WDFY4: variants seen among roughly 807,000 people sequenced by gnomAD.
The protein encoded by WDFY4 is WD repeat- and FYVE domain-containing protein 4.
WDFY4 carries 169 observed loss-of-function variants against 351.9 expected under a neutral mutation model. The observed-to-expected ratio is 0.48, with a 90% CI of 0.42 to 0.55. The LOEUF is 0.55. WDFY4 is among the 20% of genes least tolerant of loss of function. The pLI is 0.00. For synonymous variants in WDFY4, 1,622 were observed against 1,574.6 expected, an observed-to-expected ratio of 1.03 and a Z score of -0.71; for missense variants, 3,803 against 3,935.6, an observed-to-expected ratio of 0.97 and a Z score of 0.90.
intron 57 of WDFY4, among the ~76,000 whole-genome samples, chr10:48,973,335 G>C (rs1480563600): frequency 6.6e-6 from 1 of 151,500 alleles, no homozygotes; most frequent in East Asian, 1.9e-4. Flanking sequence ...CATTTTCCTA[G>C]GATGACCCAA....
At chr10:48,944,437 C>A (rs778559540) in intron 49 of WDFY4, among the ~76,000 whole-genome samples, 28 of 152,204 alleles carry the variant, frequency 1.8e-4, no homozygotes, top group Admixed American at 4.6e-4. Flanking sequence ...TGGGGACAAC[C>A]AAACTATGGA....
intron 39 of WDFY4, among the ~76,000 whole-genome samples, chr10:48,840,457 G>GCA (rs905267906): frequency 5.6e-5 from 8 of 142,624 alleles, no homozygotes; most frequent in African/African-American, 1.3e-4. Flanking sequence ...CCTCTCTCAC[G>GCA]CACACACACA....
intron 57 of WDFY4, among the ~76,000 whole-genome samples, chr10:48,973,883 C>T (rs1032655854): frequency 4.6e-5 from 7 of 152,072 alleles, no homozygotes; most frequent in African/African-American, 1.7e-4. Flanking sequence ...CTAAGTGTCC[C>T]AGTGGCTATG....
intron 53 of WDFY4, among the ~76,000 whole-genome samples, chr10:48,963,201 T>G (rs1263355001): frequency 1.3e-5 from 2 of 152,194 alleles, no homozygotes; most frequent in East Asian, 3.8e-4. Context: ...ACAACACCTG[T>G]GAAACAGCCA....
At chr10:48,796,578 C>T in intron 24 of WDFY4, 128 bp downstream of exon 24, 4 of 1,302,924 alleles carry the variant, frequency 3.1e-6, no homozygotes, top group Non-Finnish European at 4.1e-6. Context: ...GAGGGAAAAC[C>T]AAACGAGCCT....
intron 2 of WDFY4, among the ~76,000 whole-genome samples, chr10:48,714,611 G>A (rs1008565762): frequency 4.6e-5 from 7 of 152,162 alleles, no homozygotes; most frequent in Non-Finnish European, 8.8e-5. Context: ...TGGTTTTGGG[G>A]GAAGAAAATC....
At chr10:48,882,537 T>A (rs2070295630) in intron 43 of WDFY4, among the ~76,000 whole-genome samples, 1 of 152,072 alleles carries the variant, frequency 6.6e-6, no homozygotes, top group South Asian at 2.1e-4. Flanking sequence ...TAATTTATAA[T>A]GAAAAGAGGT....
intron 13 of WDFY4, among the ~76,000 whole-genome samples, chr10:48,771,154 T>C (rs2065852309): frequency 6.6e-6 from 1 of 152,228 alleles, no homozygotes; most frequent in South Asian, 2.1e-4. Context: ...ATCCAATTTT[T>C]AAAACAATCT....
intron 7 of WDFY4, among the ~76,000 whole-genome samples, chr10:48,728,746 C>T (rs543222260): frequency 2.0e-4 from 30 of 152,360 alleles, no homozygotes; most frequent in South Asian, 1.9e-3. Flanking sequence ...ATGATCCCCA[C>T]GGAGGTCTGT....
At chr10:48,858,479 G>C (rs149928121) in intron 39 of WDFY4, among the ~76,000 whole-genome samples, 4 of 152,178 alleles carry the variant, frequency 2.6e-5, no homozygotes, top group African/African-American at 2.4e-5. Flanking sequence ...CTGTTGAATA[G>C]CTTTTGCAAC....
In WDFY4 at chr10:48,942,128, C is replaced by T. The variant is rs1186676281; in HGVS notation, c.7629+280C>T. 2.0e-5 allele frequency among the ~76,000 whole-genome samples: 3 copies of T among 152,032 alleles called. No individual in the cohort carries two copies. In the South Asian group the frequency reaches 6.2e-4, roughly 32 times the overall value. On this transcript the variant is annotated intron_variant, in intron 48 of 61. Transcript: ENST00000325239. ...TACAGGCACCTACCACTAGGCCAAG[C>T]GAATTTTTGTATTTTTAGTAGAGAC...
At chr10:48,924,647 G>C (rs1025048738) in intron 47 of WDFY4, among the ~76,000 whole-genome samples, 1 of 152,144 alleles carries the variant, frequency 6.6e-6, no homozygotes, top group Admixed American at 6.5e-5. Context: ...TGGAAAAAGT[G>C]GCCCAGTTGG....
rs1254605474 is a variant in WDFY4, at chr10:48,820,272, T to C, written c.5544T>C (p.Pro1848=). ...GAESTRNTSS[P]EAAAEGDSTV... ...AGTCCACCCGGAACACCAGCAGTCCTGAGGCCGCAGCTGAAGGCGACAGCA... is the reference window on the plus strand; with the variant it reads ...AGTCCACCCGGAACACCAGCAGTCCCGAGGCCGCAGCTGAAGGCGACAGCA... Residue 1848 remains proline (P), a synonymous_variant, in exon 33 of 62, where the codon CCT becomes CCC. Transcript: ENST00000325239. 1.2e-5 allele frequency: 18 copies of C among 1,551,662 alleles called. No individual in the cohort carries two copies. Among genetic ancestry groups the C allele is most frequent in the Non-Finnish European group, 1.5e-5 (17 of 1,146,980 alleles).
chr10:48,901,052 A>G (rs1196223880), intron 46 of WDFY4, among the ~76,000 whole-genome samples: 1 of 152,120 alleles, frequency 6.6e-6, no homozygotes, highest in African/African-American at 2.4e-5. Context: ...TGTGCTCAGA[A>G]ATTCAAGCCC....
At chr10:48,868,781 A>G (rs1353263001) in intron 40 of WDFY4, among the ~76,000 whole-genome samples, 4 of 152,166 alleles carry the variant, frequency 2.6e-5, no homozygotes. Flanking sequence ...TTCTGCTCCA[A>G]TGGTTAGAAG....
At chr10:48,875,351 A>C (rs1199681383) in intron 42 of WDFY4, among the ~76,000 whole-genome samples, 2 of 152,224 alleles carry the variant, frequency 1.3e-5, no homozygotes, top group African/African-American at 4.8e-5. Flanking sequence ...TTAAGGTTGC[A>C]ACAATAACAA....
intron 47 of WDFY4, among the ~76,000 whole-genome samples, chr10:48,939,607 C>A (rs892376581): frequency 1.3e-5 from 2 of 152,314 alleles, no homozygotes; most frequent in African/African-American, 2.4e-5. Context: ...ATGGATGATG[C>A]GGTTTATTAA....
intron 49 of WDFY4, among the ~76,000 whole-genome samples, chr10:48,945,442 T>C (rs1330809828): frequency 6.6e-6 from 1 of 152,132 alleles, no homozygotes; most frequent in East Asian, 1.9e-4. Flanking sequence ...ACCCCAGCAA[T>C]TCTTGGCTCC....
intron 60 of WDFY4, chr10:48,978,681 C>T (rs1842681139): frequency 1.6e-5 from 5 of 321,752 alleles, no homozygotes. Context: ...GTACAAACCT[C>T]CCCATCAAAG....
Sources: gnomAD v4.1 joint callset for allele counts (sites outside exome capture counted in the v4.1 genomes callset) on GRCh38, gnomAD v4.1.1 for gene constraint, MANE v1.5 for transcripts, NCBI Gene and HGNC (gene_info 2026-07-23, HGNC 2026-07-21) for gene names.